PLXNC1: variants seen among roughly 807,000 people sequenced by gnomAD.
PLXNC1 encodes the protein plexin C1.
Under a neutral mutation model 178.2 loss-of-function variants are expected in PLXNC1, and 75 were observed. The observed-to-expected ratio is 0.42, with a 90% CI of 0.35 to 0.51. PLXNC1 has a LOEUF of 0.51. Among genes scored for constraint, PLXNC1 ranks in the 20% least tolerant of loss-of-function variants. The pLI, the probability that PLXNC1 is intolerant of heterozygous loss-of-function variation, is 0.02. For missense variants in PLXNC1, 1,503 were observed against 1,984.4 expected (o/e 0.76, Z 4.61); for synonymous variants, 790 against 779.9 (o/e 1.01, Z -0.22).
rs1428244638 is a variant in PLXNC1, at chr12:94,239,947, A to G, written c.2121-538A>G. Among the ~76,000 whole-genome samples the G allele has an allele frequency of 1.7e-4, 26 of 152,216 alleles. 1 individual carries two copies. Among genetic ancestry groups the G allele is most frequent in the Non-Finnish European group, 3.7e-4 (25 of 68,042 alleles). ...AGCTTTTTATTATGGAAACTCAAAC[A>G]TAATACAAGAGAGATGAGTGTAATG... On this transcript the variant is annotated intron_variant, in intron 10 of 30. Coordinates refer to ENST00000258526, the MANE Select transcript of PLXNC1 (RefSeq NM_005761.3).
At chr12:94,237,484 A>G (rs1261909495) in intron 9 of PLXNC1, among the ~76,000 whole-genome samples, 180 bp from the exon 10 acceptor site, 1 of 152,218 alleles carries the variant, frequency 6.6e-6, no homozygotes, top group African/African-American at 2.4e-5. Flanking sequence ...ATGTTGAGAG[A>G]CATGAATCTG....
At chr12:94,267,455 C>T (rs765044412) in intron 21 of PLXNC1, among the ~76,000 whole-genome samples, 1 of 152,180 alleles carries the variant, frequency 6.6e-6, no homozygotes, top group Non-Finnish European at 1.5e-5. Flanking sequence ...TTCATGTCGA[C>T]TCTTGAAATT....
chr12:94,159,327 G>T (rs1319239092), intron 1 of PLXNC1, among the ~76,000 whole-genome samples: 1 of 152,194 alleles, frequency 6.6e-6, no homozygotes, highest in African/African-American at 2.4e-5. Flanking sequence ...TAAAGATGAA[G>T]AAACGGAGGC....
intron 7 of PLXNC1, among the ~76,000 whole-genome samples, chr12:94,224,798 T>C (rs1025828396): frequency 6.6e-6 from 1 of 152,062 alleles, no homozygotes; most frequent in Non-Finnish European, 1.5e-5. Context: ...TCCCAGCTAC[T>C]TGGGAGGCTG....
rs145651944 is a variant in PLXNC1 at position 94,274,737 on chromosome 12, C to T, written c.3598-4735C>T. 6.5e-4 allele frequency among the ~76,000 whole-genome samples: 99 copies of T among 152,272 alleles called. 2 individuals carry two copies. In the East Asian group the frequency reaches 0.016, roughly 25 times the overall value. Reference sequence around the variant, plus strand: ...CTTGTACTTCCAAAGGCAGGATCACCGAGTGTTTAAGAACACGGAGCTTGA... The same window carrying T: ...CTTGTACTTCCAAAGGCAGGATCACTGAGTGTTTAAGAACACGGAGCTTGA... On this transcript the variant is annotated intron_variant, in intron 21 of 30. Transcript: ENST00000258526.
intron 3 of PLXNC1, among the ~76,000 whole-genome samples, chr12:94,182,681 C>T (rs1293439159): frequency 2.0e-5 from 3 of 149,040 alleles, no homozygotes; most frequent in Non-Finnish European, 4.4e-5. Flanking sequence ...GCTGACATCA[C>T]ACCACTGCAC....
At chr12:94,300,538 T>C (rs992598724) in intron 27 of PLXNC1, among the ~76,000 whole-genome samples, 5 of 152,046 alleles carry the variant, frequency 3.3e-5, no homozygotes, top group African/African-American at 9.7e-5. Context: ...CTCAGAGGGT[T>C]GGAGCAGAGG....
intron 6 of PLXNC1, among the ~76,000 whole-genome samples, chr12:94,220,930 G>C (rs1462133436): frequency 6.6e-6 from 1 of 152,214 alleles, no homozygotes; most frequent in Non-Finnish European, 1.5e-5. Context: ...CTTCTACATG[G>C]CCAAGGCACA....
chr12:94,166,964 T>C (rs1412822242), intron 1 of PLXNC1, among the ~76,000 whole-genome samples: 1 of 152,094 alleles, frequency 6.6e-6, no homozygotes, highest in African/African-American at 2.4e-5. Flanking sequence ...GGGGTCTTGC[T>C]ATGTTGCCCA....
chr12:94,293,627 CCT>C (rs1158787592), intron 23 of PLXNC1, among the ~76,000 whole-genome samples: 1 of 152,106 alleles, frequency 6.6e-6, no homozygotes, highest in Non-Finnish European at 1.5e-5. Context: ...TCCTTTTCCT[CCT>C]CTGTTTAGAG....
At chr12:94,233,406 C>T (rs961137485) in intron 9 of PLXNC1, among the ~76,000 whole-genome samples, 22 of 152,204 alleles carry the variant, frequency 1.4e-4, no homozygotes, top group Non-Finnish European at 7.3e-5. Context: ...TTTGGTCACC[C>T]AGTCCAGGTC....
intron 23 of PLXNC1, 29 bp downstream of exon 23, chr12:94,282,430 C>T (rs757164896): frequency 7.2e-7 from 1 of 1,385,232 alleles, no homozygotes; most frequent in South Asian, 1.2e-5. Flanking sequence ...CCCGTGTCTC[C>T]TTCCTCATCC....
At chr12:94,151,929 G>C (rs954902748) in intron 1 of PLXNC1, among the ~76,000 whole-genome samples, 9 of 152,160 alleles carry the variant, frequency 5.9e-5, no homozygotes, top group African/African-American at 1.4e-4. Context: ...GAGCTTCTGC[G>C]AGAGAGCTGC....
chr12:94,149,124 G>C lies in PLXNC1; in HGVS notation c.153G>C (p.Ala51=), dbSNP rs1271850530. 1 of 1,588,086 alleles carries C rather than the reference G, an allele frequency of 6.3e-7. No homozygotes were observed. The highest frequency in any genetic ancestry group is 8.5e-7 in the Non-Finnish European group (1 of 1,172,336). The stretch of plus-strand genomic sequence containing the variant: ...AGCAAGCCATCGGAGCCATCGCGGC[G>C]AGCCAGGAGGACGGCGTGTTTGTGG... ...RSEQAIGAIA[A]SQEDGVFVAS... The change falls in exon 1 of 31, where the codon GCG becomes GCC. Residue 51 remains alanine, a synonymous_variant. Coordinates refer to ENST00000258526, the MANE Select transcript of PLXNC1 (RefSeq NM_005761.3).
At chr12:94,222,789 G>A (rs1963833365) in intron 6 of PLXNC1, among the ~76,000 whole-genome samples, 1 of 151,946 alleles carries the variant, frequency 6.6e-6, no homozygotes, top group African/African-American at 2.4e-5. Flanking sequence ...TATTTTCACT[G>A]GGAGTCCCTC....
chr12:94,217,158 G>A (rs959396447), intron 5 of PLXNC1, among the ~76,000 whole-genome samples: 4 of 152,150 alleles, frequency 2.6e-5, no homozygotes, highest in Admixed American at 6.5e-5. Context: ...CCATTCCAGC[G>A]GACACTGTAA....
At chr12:94,162,992 C>T (rs574933194) in intron 1 of PLXNC1, among the ~76,000 whole-genome samples, 1 of 152,220 alleles carries the variant, frequency 6.6e-6, no homozygotes, top group African/African-American at 2.4e-5. Context: ...AGGACAGCTC[C>T]CATAATGAGG....
chr12:94,159,975 T>C (rs887359500), intron 1 of PLXNC1, among the ~76,000 whole-genome samples: 22 of 152,214 alleles, frequency 1.4e-4, no homozygotes, highest in Admixed American at 5.2e-4. Flanking sequence ...AAATAGGTTT[T>C]TAAGACGTGG....
chr12:94,149,942 C>A lies in PLXNC1; in HGVS notation c.971C>A (p.Thr324Asn). The A allele has an allele frequency of 6.3e-7, 1 of 1,587,044 alleles. No individual in the cohort carries two copies. Among genetic ancestry groups the A allele is most frequent in the African/African-American group, 1.3e-5 (1 of 74,424 alleles). ...GAGGGCCAGGAGCGGCGCTCCCCCA[C>A]CACCACGGCGCTCTGCCTCTTCAGA... ...AGEGQERRSPTTTALCLFRMS... is the reference protein window; with the variant it reads ...AGEGQERRSPNTTALCLFRMS... Residue 324 changes from threonine to asparagine, a missense_variant, in exon 1 of 31, where the codon ACC (threonine) becomes AAC (asparagine). By Grantham distance (65) the Thr-to-Asn change is moderately conservative. Coordinates refer to ENST00000258526, the MANE Select transcript of PLXNC1 (RefSeq NM_005761.3).
Sources: allele counts gnomAD v4.1 joint callset (sites outside exome capture counted in the v4.1 genomes callset), GRCh38; gene constraint gnomAD v4.1.1; transcripts MANE v1.5; gene names NCBI Gene and HGNC (gene_info 2026-07-23, HGNC 2026-07-21).